The following YEATS4 variants were observed in gnomAD, a reference collection of about 807,000 sequenced individuals.
YEATS4 encodes YEATS domain containing 4, also known as YEATS domain-containing protein 4.
YEATS4 carries 17 observed loss-of-function variants against 30.1 expected under a neutral mutation model. The ratio of observed to expected loss-of-function variants is 0.56; its 90% CI spans 0.39 to 0.85. The LOEUF (loss-of-function observed/expected upper bound fraction) is 0.85, where lower values mean the gene tolerates loss of function less well. Ranked by LOEUF, YEATS4 falls within the 40% of genes least tolerant of loss-of-function variation. The pLI, the probability that YEATS4 is intolerant of heterozygous loss-of-function variation, is 0.00. For synonymous variants in YEATS4, 85 were observed against 87.5 expected, an observed-to-expected ratio of 0.97 and a Z score of 0.16; for missense variants, 142 against 268.3, an observed-to-expected ratio of 0.53 and a Z score of 3.29.
Position 69,359,766 on chromosome 12 carries a change from T to G in YEATS4, c.-207T>G. Reference sequence around the variant, plus strand: ...CCCTCTTTTCGCGGCGTTCTCCACCTGCGCGGGCCTGAATGGCCTTCAGGA... The same window carrying G: ...CCCTCTTTTCGCGGCGTTCTCCACCGGCGCGGGCCTGAATGGCCTTCAGGA... On this transcript the variant is annotated 5_prime_UTR_variant, in exon 1 of 7. Coordinates refer to ENST00000247843, the MANE Select transcript of YEATS4 (RefSeq NM_006530.4). 1.7e-6 allele frequency: 1 copy of G among 584,958 alleles called. No homozygotes were observed. The highest frequency in any genetic ancestry group is 2.9e-6 in the Non-Finnish European group (1 of 341,460). 36.2% of individuals were successfully genotyped at this position (584,958 alleles called of 1,614,324 possible).
the YEATS4 span, among the ~76,000 whole-genome samples, chr12:69,400,560 G>T: frequency 1.3e-5 from 2 of 151,700 alleles, no homozygotes; most frequent in Non-Finnish European, 2.9e-5. Flanking sequence ...ATTTGAAAAG[G>T]TATATGGCCA....
At chr12:69,374,381 TG>T (rs1875760277) in intron 6 of YEATS4, among the ~76,000 whole-genome samples, 1 of 152,206 alleles carries the variant, frequency 6.6e-6, no homozygotes, top group Non-Finnish European at 1.5e-5. Context: ...TTTGTAGCTG[TG>T]GTAAATGAGA....
At chr12:69,411,678 G>A in the YEATS4 span, among the ~76,000 whole-genome samples, 1 of 152,346 alleles carries the variant, frequency 6.6e-6, no homozygotes, top group South Asian at 2.1e-4. Flanking sequence ...AGTGGTCCAT[G>A]CAGGCCTTAT....
intron 4 of YEATS4, among the ~76,000 whole-genome samples, chr12:69,366,229 G>C (rs1350229011): frequency 6.6e-6 from 1 of 152,016 alleles, no homozygotes; most frequent in Non-Finnish European, 1.5e-5. Context: ...TATAGTTTTT[G>C]GTAGTTAAAC....
intron 6 of YEATS4, among the ~76,000 whole-genome samples, chr12:69,372,505 C>T (rs530302203): frequency 7.2e-5 from 9 of 124,424 alleles, no homozygotes; most frequent in South Asian, 5.4e-4. Flanking sequence ...CTCTGGTAAC[C>T]GTCATTCTAC....
chr12:69,407,777 T>C, the YEATS4 span, among the ~76,000 whole-genome samples: 1 of 129,372 alleles, frequency 7.7e-6, no homozygotes, highest in Non-Finnish European at 1.6e-5. Flanking sequence ...AGTGCAATGG[T>C]GCAATCTCAG....
intron 2 of YEATS4, chr12:69,364,278 TC>T: frequency 2.7e-6 from 1 of 370,554 alleles, no homozygotes; most frequent in Non-Finnish European, 5.4e-6. Flanking sequence ...ATAGTAAGAC[TC>T]CATCTCTACA....
intron 1 of YEATS4, among the ~76,000 whole-genome samples, chr12:69,360,809 C>A (rs1875172306): frequency 1.3e-5 from 2 of 150,354 alleles, no homozygotes; most frequent in African/African-American, 4.9e-5. Context: ...GTGGTTCATT[C>A]TTTTTAAAGA....
At chr12:69,396,299 C>G in the YEATS4 span, among the ~76,000 whole-genome samples, 1 of 152,212 alleles carries the variant, frequency 6.6e-6, no homozygotes, top group South Asian at 2.1e-4. Context: ...TTAATTCCCT[C>G]ATTTGATAAG....
At chr12:69,402,547 AT>A in the YEATS4 span, among the ~76,000 whole-genome samples, 1 of 152,152 alleles carries the variant, frequency 6.6e-6, no homozygotes, top group Non-Finnish European at 1.5e-5. Flanking sequence ...GATAGTAAGC[AT>A]TTTATGGTCT....
At chr12:69,363,258 G>T (rs2603071) in intron 2 of YEATS4, among the ~76,000 whole-genome samples, 8,859 of 151,992 alleles carry the variant, frequency 0.058, 373 homozygotes, top group African/African-American at 0.12. Flanking sequence ...CTCCCAAAGT[G>T]CTGGGATTAC....
chr12:69,370,869 G>T lies in YEATS4; in HGVS notation c.427-19G>T. 6.2e-7 allele frequency: 1 copy of T among 1,604,140 alleles called. No individual in the cohort carries two copies. The highest frequency in any genetic ancestry group is 8.5e-7 in the Non-Finnish European group (1 of 1,177,300). The stretch of plus-strand genomic sequence containing the variant: ...AGAACTTTGAAGTTATTGGGTTTTT[G>T]TTCATTTTATCCCATTAGATATTTC... On this transcript the variant is annotated intron_variant, in intron 5 of 6. Transcript: ENST00000247843.
At chr12:69,368,429 T>C (rs17106480) in intron 4 of YEATS4, among the ~76,000 whole-genome samples, 3,717 of 152,310 alleles carry the variant, frequency 0.024, 143 homozygotes, top group African/African-American at 0.084. Context: ...TCTTGAAATG[T>C]TTTTATTGCC....
chr12:69,412,933 C>T, the YEATS4 span, among the ~76,000 whole-genome samples: 3 of 151,454 alleles, frequency 2.0e-5, no homozygotes, highest in East Asian at 1.9e-4. Flanking sequence ...AAGAATGCAG[C>T]GGTGGAAGGG....
rs61048163 is a variant in YEATS4 at position 69,379,583 on chromosome 12, A to ATTTTTTTTTT, written c.514+8636_514+8645dup. On this transcript the variant is annotated intron_variant, in intron 6 of 6. Coordinates refer to ENST00000247843, the MANE Select transcript of YEATS4 (RefSeq NM_006530.4). ...CACATGCCACCACTATGCCCAGCTAATTTTTTTTTTTTTTTTTTTTTTTTT... is the reference window on the plus strand; with the variant it reads ...CACATGCCACCACTATGCCCAGCTAATTTTTTTTTTTTTTTTTTTTTTTTTTTTTTTTTTT... Among the ~76,000 whole-genome samples, 47 of 72,298 alleles carry ATTTTTTTTTT rather than the reference A, an allele frequency of 6.5e-4. 2 individuals are homozygous for ATTTTTTTTTT. The highest frequency in any genetic ancestry group is 1.0e-3 in the Non-Finnish European group (41 of 39,104). The allele number at this position is 72,298 out of a possible 152,430, so 47.4% of individuals were successfully genotyped here.
At chr12:69,375,973 ATTT>A in intron 6 of YEATS4, among the ~76,000 whole-genome samples, 1 of 152,248 alleles carries the variant, frequency 6.6e-6, no homozygotes, top group East Asian at 1.9e-4. Flanking sequence ...GATGCTACTG[ATTT>A]TTTTGTATGT....
At chr12:69,375,015 C>T (rs1253820766) in intron 6 of YEATS4, among the ~76,000 whole-genome samples, 1 of 143,014 alleles carries the variant, frequency 7.0e-6, no homozygotes, top group Non-Finnish European at 1.5e-5. Context: ...GCTGCCCCCA[C>T]CTCCCGGACG....
At chr12:69,409,559 G>A in the YEATS4 span, among the ~76,000 whole-genome samples, 3 of 151,674 alleles carry the variant, frequency 2.0e-5, no homozygotes, top group African/African-American at 4.8e-5. Flanking sequence ...AGAGGTTGCA[G>A]TGAGCCGAGA....
At chr12:69,392,169 T>C (rs1366130160), downstream of YEATS4, among the ~76,000 whole-genome samples, 2 of 152,194 alleles carry the variant, frequency 1.3e-5, no homozygotes, top group African/African-American at 4.8e-5. Context: ...ATTAGGAAAA[T>C]GTGAAGTGTA....
Sources: gnomAD v4.1 joint callset for allele counts (sites outside exome capture counted in the v4.1 genomes callset) on GRCh38, gnomAD v4.1.1 for gene constraint, MANE v1.5 for transcripts, NCBI Gene and HGNC (gene_info 2026-07-23, HGNC 2026-07-21) for gene names.